Variants in TGFBR2 observed in about 807,000 individuals in gnomAD.
TGFBR2 encodes TGF-beta receptor type-2.
In TGFBR2, 18 loss-of-function variants were observed where a neutral mutation model predicts 49.0. The observed-to-expected ratio is 0.37, with a 90% confidence interval of 0.25 to 0.54. The LOEUF (loss-of-function observed/expected upper bound fraction) is 0.54, where lower values mean the gene tolerates loss of function less well. TGFBR2 is among the 20% of genes least tolerant of loss of function. The probability of loss-of-function intolerance (pLI) is 0.85; values close to 1 mark genes in which losing one functional copy is unlikely to be tolerated. For missense variants in TGFBR2, 525 were observed against 722.6 expected (o/e 0.73, Z 3.13); for synonymous variants, 282 against 275.9 (o/e 1.02, Z -0.22).
chr3:30,616,637 A>C (rs1181829569), intron 1 of TGFBR2, among the ~76,000 whole-genome samples: 2 of 152,236 alleles, frequency 1.3e-5, no homozygotes, highest in African/African-American at 4.8e-5. Context: ...TTATCCCTGT[A>C]CTATTTTGTT....
intron 6 of TGFBR2, among the ~76,000 whole-genome samples, chr3:30,691,136 G>T (rs1699702180): frequency 6.6e-6 from 1 of 152,192 alleles, no homozygotes; most frequent in Non-Finnish European, 1.5e-5. Flanking sequence ...CAGAAGCCCA[G>T]CAGAGGATCA....
intron 3 of TGFBR2, among the ~76,000 whole-genome samples, chr3:30,663,817 C>G (rs1229392227): frequency 6.6e-6 from 1 of 152,064 alleles, no homozygotes; most frequent in African/African-American, 2.4e-5. Context: ...GTTTTATGCA[C>G]TTTTCTGTAT....
chr3:30,638,216 T>C (rs1380543686), intron 1 of TGFBR2, among the ~76,000 whole-genome samples: 1 of 152,226 alleles, frequency 6.6e-6, no homozygotes, highest in Admixed American at 6.5e-5. Context: ...TTGATAATGA[T>C]TTTAAATGGC....
chr3:30,637,831 CA>C (rs1698566282), intron 1 of TGFBR2, among the ~76,000 whole-genome samples: 1 of 152,024 alleles, frequency 6.6e-6, no homozygotes, highest in African/African-American at 2.4e-5. Context: ...GCGAATTTAT[CA>C]ATGAATATCA....
At chr3:30,660,636 C>G (rs889941199) in intron 3 of TGFBR2, among the ~76,000 whole-genome samples, 3 of 152,178 alleles carry the variant, frequency 2.0e-5, no homozygotes, top group Non-Finnish European at 4.4e-5. Context: ...AAACCAACAC[C>G]TGTTTTACCC....
chr3:30,645,487 A>C (rs1575144010), intron 2 of TGFBR2, among the ~76,000 whole-genome samples: 1 of 109,660 alleles, frequency 9.1e-6, no homozygotes, highest in African/African-American at 3.3e-5. Context: ...AGAACTACAT[A>C]TTTCTTTTTT....
chr3:30,628,292 T>C (rs969393364), intron 1 of TGFBR2, among the ~76,000 whole-genome samples: 1 of 152,034 alleles, frequency 6.6e-6, no homozygotes, highest in African/African-American at 2.4e-5. Flanking sequence ...AAGCGGCCAA[T>C]AGAAATCTCC....
intron 3 of TGFBR2, 42 bp downstream of exon 3, chr3:30,650,502 G>A (rs771503274): frequency 1.1e-5 from 18 of 1,608,522 alleles, no homozygotes; most frequent in Non-Finnish European, 1.5e-5. Context: ...TGAGATCTGT[G>A]CCAATTTTTT....
chr3:30,657,476 A>G (rs1400219122), intron 3 of TGFBR2, among the ~76,000 whole-genome samples: 1 of 152,196 alleles, frequency 6.6e-6, no homozygotes, highest in African/African-American at 2.4e-5. Flanking sequence ...TTCAGATCCC[A>G]GCTCAGCCGT....
At chr3:30,608,415 C>A (rs6550004) in intron 1 of TGFBR2, among the ~76,000 whole-genome samples, 107,471 of 151,982 alleles carry the variant, frequency 0.71, 40,060 homozygotes, top group East Asian at 0.88. Flanking sequence ...TCTTACGTAT[C>A]GTGCCCCTCC....
At chr3:30,648,639 A>G (rs1033826226) in intron 2 of TGFBR2, among the ~76,000 whole-genome samples, 4 of 152,024 alleles carry the variant, frequency 2.6e-5, no homozygotes, top group African/African-American at 9.7e-5. Context: ...CCCTCAACCA[A>G]TTATTCTGCT....
At chr3:30,642,604 G>C (rs998801425) in intron 1 of TGFBR2, among the ~76,000 whole-genome samples, 5 of 152,130 alleles carry the variant, frequency 3.3e-5, no homozygotes, top group African/African-American at 1.2e-4. Context: ...ATGGAAATTT[G>C]GTTTTATATT....
At chr3:30,664,593 G>A (rs995862696) in intron 3 of TGFBR2, among the ~76,000 whole-genome samples, 5 of 152,134 alleles carry the variant, frequency 3.3e-5, no homozygotes, top group Non-Finnish European at 7.3e-5. Flanking sequence ...AAATCCTGTG[G>A]TATACTTTCC....
intron 3 of TGFBR2, chr3:30,661,597 G>A (rs772197405): frequency 1.9e-6 from 1 of 516,148 alleles, no homozygotes; most frequent in Non-Finnish European, 3.9e-6. Flanking sequence ...TCAAAACACT[G>A]GCTGGGAATC....
chr3:30,648,189 T>A (rs1698803977), intron 2 of TGFBR2, among the ~76,000 whole-genome samples: 1 of 152,216 alleles, frequency 6.6e-6, no homozygotes, highest in Non-Finnish European at 1.5e-5. Flanking sequence ...TTAAGGGCTT[T>A]ACCAGGTCTC....
At chr3:30,642,071 C>T (rs1412886833) in intron 1 of TGFBR2, among the ~76,000 whole-genome samples, 1 of 152,160 alleles carries the variant, frequency 6.6e-6, no homozygotes, top group East Asian at 1.9e-4. Flanking sequence ...CAGCACCCAT[C>T]TCATCTGTTT....
At position 30,692,795 on chromosome 3, in the gene TGFBR2, G is replaced by A. The variant is rs1699738536; in HGVS notation, c.*1196G>A. The stretch of plus-strand genomic sequence containing the variant: ...TGGTCAGCACAGCGTTTCAAAAAGT[G>A]AAGCCACTTTATAAATATTTGGAGA... On this transcript the variant is annotated 3_prime_UTR_variant, in exon 7 of 7. Transcript: ENST00000295754. The A allele has an allele frequency of 4.3e-6, 1 of 233,062 alleles. No homozygotes were observed. The highest frequency in any genetic ancestry group is 2.2e-5 in the African/African-American group (1 of 45,328). The allele number at this position is 233,062 out of a possible 1,614,324, so 14.4% of individuals were successfully genotyped here.
intron 2 of TGFBR2, among the ~76,000 whole-genome samples, 167 bp from the exon 3 acceptor site, chr3:30,650,103 G>C (rs1427528874): frequency 1.3e-5 from 2 of 152,172 alleles, no homozygotes; most frequent in African/African-American, 2.4e-5. Flanking sequence ...GGAGACTATA[G>C]GACAGCCTGC....
chr3:30,648,384 A>G lies in TGFBR2; in HGVS notation c.264-1886A>G, dbSNP rs988186331. The stretch of plus-strand genomic sequence containing the variant: ...GACCATGCCTTTCTGTGGGCACAGC[A>G]TACCTTCGTTTTATTACCCAAACCA... On this transcript the variant is annotated intron_variant, in intron 2 of 6. Coordinates refer to ENST00000295754, the MANE Select transcript of TGFBR2 (RefSeq NM_003242.6). Among the ~76,000 whole-genome samples, 4 of 150,178 alleles carry G rather than the reference A, an allele frequency of 2.7e-5. No individual in the cohort carries two copies. The Admixed American group carries it at 2.7e-4, about 10-fold the overall frequency.
Sources: allele counts gnomAD v4.1 joint callset (sites outside exome capture counted in the v4.1 genomes callset), GRCh38; gene constraint gnomAD v4.1.1; transcripts MANE v1.5; gene names NCBI Gene and HGNC (gene_info 2026-07-23, HGNC 2026-07-21).